The following TSBP1 variants were observed in gnomAD, a reference collection of about 807,000 sequenced individuals.
The protein encoded by TSBP1 is testis expressed basic protein 1.
A neutral mutation model predicts 68.8 loss-of-function variants in TSBP1; 56 were observed. The observed-to-expected ratio is 0.81, with a 90% CI of 0.66 to 1.02. TSBP1 has a LOEUF of 1.02. Ranked by LOEUF, TSBP1 falls within the 50% of genes least tolerant of loss-of-function variation. TSBP1 has a pLI of 0.00. For missense variants in TSBP1, 502 were observed against 641.2 expected, an observed-to-expected ratio of 0.78 and a Z score of 2.34; for synonymous variants, 171 against 208.7, an observed-to-expected ratio of 0.82 and a Z score of 1.56.
Position 32,336,545 on chromosome 6 carries a change from G to A in TSBP1, c.430+70C>T. The A allele has an allele frequency of 7.8e-7, 1 of 1,283,202 alleles. No homozygotes were observed. The highest frequency in any genetic ancestry group is 1.1e-6 in the Non-Finnish European group (1 of 885,044). The allele number at this position is 1,283,202 out of a possible 1,614,324, so 79.5% of individuals were successfully genotyped here. A position where few individuals can be genotyped will look rare whatever the true frequency, so the allele number is the denominator to read the frequency against. On this transcript the variant is annotated intron_variant, in intron 12 of 22. Coordinates refer to ENST00000612031, the Ensembl canonical transcript of TSBP1. The surrounding 1 kb of genome is among the most constrained non-coding windows in gnomAD (Gnocchi z 5.2). ...AAATTATTTTTAAAAATGCAGGGCAGATCAGGCCCCAAGACCTTGTAGGTC... is the reference window on the plus strand; with the variant it reads ...AAATTATTTTTAAAAATGCAGGGCAAATCAGGCCCCAAGACCTTGTAGGTC...
rs1377275031 is a variant in TSBP1 at position 32,365,811 on chromosome 6, C to A, written c.217+356G>T. On this transcript the variant is annotated intron_variant, in intron 6 of 22. Transcript: ENST00000612031. This position sits in a 1 kb window ranked among gnomAD's most constrained non-coding sequence, Gnocchi z 4.3. ...ATAACCTGACAGCGTGCTGGAACTT[C>A]TCTGCTGGACTCCTGGACTCCCACA... 1.4e-5 allele frequency: 6 copies of A among 416,674 alleles called. No individual in the cohort carries two copies. The East Asian group carries it at 4.0e-4, about 28-fold the overall frequency. The allele number at this position is 416,674 out of a possible 1,614,324, so 25.8% of individuals were successfully genotyped here.
chr6:32,350,363 T>C (rs1403607522), intron 8 of TSBP1, among the ~76,000 whole-genome samples: 1 of 152,168 alleles, frequency 6.6e-6, no homozygotes, highest in East Asian at 1.9e-4. Context: ...ACTGAAAGGG[T>C]GCTTGCTATT....
intron 14 of TSBP1, chr6:32,334,051 C>T: frequency 5.0e-6 from 1 of 200,216 alleles, no homozygotes. Flanking sequence ...GCCCTCTTGA[C>T]ATAAGTTACT....
chr6:32,341,387 C>G (rs1316468546), intron 9 of TSBP1, among the ~76,000 whole-genome samples: 1 of 152,054 alleles, frequency 6.6e-6, no homozygotes, highest in Non-Finnish European at 1.5e-5. Flanking sequence ...CGATCACAAA[C>G]TCAGTTGCAT....
intron 18 of TSBP1, among the ~76,000 whole-genome samples, chr6:32,319,926 T>G (rs1344484048): frequency 5.3e-5 from 8 of 152,050 alleles, no homozygotes; most frequent in Non-Finnish European, 1.2e-4. Flanking sequence ...CTTTGAAGAC[T>G]TTTTCTTTTT....
chr6:32,300,616 G>A (rs1314522089), intron 21 of TSBP1, 64 bp downstream of exon 24: 17 of 1,457,196 alleles, frequency 1.2e-5, no homozygotes, highest in Non-Finnish European at 1.6e-5. Flanking sequence ...AGAACATTTG[G>A]GAAAAAGAAC....
At chr6:32,347,646 C>T (rs887470190) in intron 9 of TSBP1, among the ~76,000 whole-genome samples, 1 of 152,088 alleles carries the variant, frequency 6.6e-6, no homozygotes, top group Non-Finnish European at 1.5e-5. Context: ...GTGGCTTTAT[C>T]CCTTCCCTGA....
chr6:32,328,503 C>A (rs563482690), intron 16 of TSBP1, among the ~76,000 whole-genome samples: 1 of 151,158 alleles, frequency 6.6e-6, no homozygotes, highest in African/African-American at 2.4e-5. Flanking sequence ...GCAATCTCCA[C>A]CTCCCAAGTT....
intron 16 of TSBP1, among the ~76,000 whole-genome samples, chr6:32,329,122 C>T (rs1338950695): frequency 6.6e-6 from 1 of 152,160 alleles, no homozygotes; most frequent in Admixed American, 6.5e-5. Context: ...TTTGCACTTT[C>T]TCCAAATCGC....
At chr6:32,370,746 C>T (rs1419732173) in intron 1 of TSBP1, among the ~76,000 whole-genome samples, 1 of 151,156 alleles carries the variant, frequency 6.6e-6, no homozygotes, top group Non-Finnish European at 1.5e-5. Context: ...GATCTGCATT[C>T]AATTGATGTA....
chr6:32,362,825 G>A (rs1773217548), intron 6 of TSBP1, among the ~76,000 whole-genome samples: 1 of 152,158 alleles, frequency 6.6e-6, no homozygotes, highest in South Asian at 2.1e-4. Flanking sequence ...TATGGTATAT[G>A]ATAAGGGCCA....
chr6:32,302,363 G>A lies in TSBP1; in HGVS notation c.601+246C>T, dbSNP rs544148003. 3.9e-4 allele frequency among the ~76,000 whole-genome samples: 60 copies of A among 152,256 alleles called. 2 individuals are homozygous for A. The South Asian group carries it at 6.2e-3, about 16-fold the overall frequency. ...CCAGCTACTCAGGAGGCTGAGGCAG[G>A]AGAATTGCTTGAGCCCAGGAGTGGA... On this transcript the variant is annotated intron_variant, in intron 20 of 22. Transcript: ENST00000612031. The surrounding 1 kb of genome is among the most constrained non-coding windows in gnomAD (Gnocchi z 5.1).
chr6:32,318,911 T>C (rs1767283468), intron 18 of TSBP1, among the ~76,000 whole-genome samples: 1 of 152,208 alleles, frequency 6.6e-6, no homozygotes. Context: ...TTGTGTCATA[T>C]GTGAATATCA....
rs117948645 is a variant in TSBP1, at chr6:32,321,865, T to C, written c.559+1252A>G. On this transcript the variant is annotated intron_variant, in intron 18 of 22. Transcript: ENST00000612031. The surrounding 1 kb of genome is among the most constrained non-coding windows in gnomAD (Gnocchi z 4.3). ...TTAAAACTTGGAAAATTTTACCTAC[T>C]ATCTGGATTAAGTGAGATGCTTTGG... Among the ~76,000 whole-genome samples, 500 of 152,304 alleles carry C rather than the reference T, an allele frequency of 3.3e-3. 16 individuals carry two copies. The East Asian group carries it at 0.069, about 21-fold the overall frequency.
chr6:32,303,761 G>C (rs1221433484), intron 19 of TSBP1, among the ~76,000 whole-genome samples: 2 of 152,156 alleles, frequency 1.3e-5, no homozygotes, highest in Non-Finnish European at 2.9e-5. Flanking sequence ...AGTGGTCCAA[G>C]TTTAGATGTA....
At chr6:32,339,702 G>A in intron 9 of TSBP1, 64 bp from the exon 11 acceptor site, 3 of 726,994 alleles carry the variant, frequency 4.1e-6, no homozygotes, top group South Asian at 1.8e-5. Flanking sequence ...CATGGAGATA[G>A]ACAATCCCAT....
At chr6:32,320,847 C>T (rs2127586972) in intron 18 of TSBP1, among the ~76,000 whole-genome samples, 1 of 152,242 alleles carries the variant, frequency 6.6e-6, no homozygotes, top group African/African-American at 2.4e-5. Flanking sequence ...ACCCTCCACC[C>T]TCTGACAGGC....
intron 9 of TSBP1, among the ~76,000 whole-genome samples, chr6:32,346,410 G>A (rs558940776): frequency 2.6e-4 from 39 of 150,804 alleles, no homozygotes; most frequent in Non-Finnish European, 5.0e-4. Context: ...CTAATCGGAC[G>A]TTCCTTCCAC....
At position 32,306,348 on chromosome 6, in the gene TSBP1, C is replaced by T. The variant is rs537704610; in HGVS notation, c.581-3719G>A. ...AGATCTCTGTGTTCCTCAGTCATCT[C>T]TTGATTCTAACTCCTGCGCATAATT... On this transcript the variant is annotated intron_variant, in intron 19 of 22. Coordinates refer to ENST00000612031, the Ensembl canonical transcript of TSBP1. The surrounding 1 kb of genome is among the most constrained non-coding windows in gnomAD (Gnocchi z 5.1). Among the ~76,000 whole-genome samples, 42 of 152,318 alleles carry T rather than the reference C, an allele frequency of 2.8e-4. No homozygotes were observed. The highest frequency in any genetic ancestry group is 5.3e-4 in the Non-Finnish European group (36 of 68,016).
Sources: allele counts gnomAD v4.1 joint callset (sites outside exome capture counted in the v4.1 genomes callset), GRCh38; gene constraint gnomAD v4.1.1; non-coding constraint Gnocchi (gnomAD v3.1); transcripts MANE v1.5; gene names NCBI Gene and HGNC (gene_info 2026-07-23, HGNC 2026-07-21).